Variants in TCF12 observed in about 807,000 individuals in gnomAD.
TCF12 encodes the protein DNA-binding protein HTF4.
In TCF12, 45 loss-of-function variants were observed where a neutral mutation model predicts 86.0. The observed-to-expected ratio is 0.52, with a 90% CI of 0.41 to 0.67. The LOEUF is 0.67. Ranked by LOEUF, TCF12 falls within the 30% of genes least tolerant of loss-of-function variation. The pLI, the probability that TCF12 is intolerant of heterozygous loss-of-function variation, is 0.00. For missense variants in TCF12, 881 were observed against 859.9 expected (o/e 1.02, Z -0.31); for synonymous variants, 330 against 299.6 (o/e 1.10, Z -1.05).
At chr15:57,120,380 T>C (rs1335897059) in intron 5 of TCF12, among the ~76,000 whole-genome samples, 2 of 152,228 alleles carry the variant, frequency 1.3e-5, no homozygotes, top group African/African-American at 4.8e-5. Context: ...GATGTCTTGA[T>C]TCATTTCTTC....
chr15:57,086,298 A>G (rs1448236575), intron 4 of TCF12, among the ~76,000 whole-genome samples: 2 of 151,246 alleles, frequency 1.3e-5, no homozygotes, highest in Admixed American at 1.3e-4. Flanking sequence ...TCCAAGTGCT[A>G]CATATATTTA....
intron 6 of TCF12, among the ~76,000 whole-genome samples, chr15:57,172,745 A>G (rs554002465): frequency 6.6e-6 from 1 of 152,240 alleles, no homozygotes; most frequent in East Asian, 1.9e-4. Context: ...TACCTATATA[A>G]CAAAGCTGAA....
chr15:56,919,615 C>T, intron 1 of TCF12: 1 of 260,880 alleles, frequency 3.8e-6, no homozygotes, highest in Non-Finnish European at 7.4e-6. Context: ...GAGGAGGTGG[C>T]AGAGACTGGC....
chr15:57,119,427 A>C (rs1045921526), intron 5 of TCF12, among the ~76,000 whole-genome samples: 1 of 149,488 alleles, frequency 6.7e-6, no homozygotes, highest in Admixed American at 6.7e-5. Context: ...CGCTGGAATT[A>C]TAGGCATGAG....
chr15:57,041,404 A>G (rs1295116725), intron 3 of TCF12, among the ~76,000 whole-genome samples: 1 of 152,176 alleles, frequency 6.6e-6, no homozygotes, highest in Non-Finnish European at 1.5e-5. Flanking sequence ...TGTTATGTCT[A>G]TGTTTTTCCC....
In TCF12 at chr15:56,975,636, T is replaced by TG. The variant is rs1312469846; in HGVS notation, c.148+54538_148+54539insG. Among the ~76,000 whole-genome samples the TG allele has an allele frequency of 7.3e-4, 102 of 140,592 alleles. No individual in the cohort carries two copies. In the South Asian group the frequency reaches 0.022, roughly 31 times the overall value. 92.2% of individuals were successfully genotyped at this position (140,592 alleles called of 152,430 possible). ...AGCATATGCTAAAAACTAGGGGTTTTTTTTGTTTGTTTGTTTTTTGTTTGT... is the reference window on the plus strand; with the variant it reads ...AGCATATGCTAAAAACTAGGGGTTTTGTTTTGTTTGTTTGTTTTTTGTTTGT... On this transcript the variant is annotated intron_variant, in intron 3 of 20. Coordinates refer to ENST00000333725, the MANE Select transcript of TCF12 (RefSeq NM_207037.2).
At chr15:57,105,728 G>A (rs1351203381) in intron 5 of TCF12, among the ~76,000 whole-genome samples, 2 of 152,114 alleles carry the variant, frequency 1.3e-5, no homozygotes, top group Non-Finnish European at 2.9e-5. Flanking sequence ...AGTTTTTAAT[G>A]AGAAACGCTG....
intron 5 of TCF12, among the ~76,000 whole-genome samples, chr15:57,096,628 G>A (rs902095722): frequency 3.3e-5 from 5 of 152,066 alleles, no homozygotes; most frequent in African/African-American, 1.2e-4. Context: ...TGTAATTGCT[G>A]TGTAAATAGT....
chr15:57,144,536 A>G (rs1270624523), intron 5 of TCF12, among the ~76,000 whole-genome samples: 2 of 152,102 alleles, frequency 1.3e-5, no homozygotes, highest in Non-Finnish European at 2.9e-5. Flanking sequence ...GTGTTCCTAA[A>G]CTTGTGACCG....
chr15:57,208,448 T>G (rs1314860437), intron 8 of TCF12, among the ~76,000 whole-genome samples: 1 of 122,224 alleles, frequency 8.2e-6, no homozygotes, highest in East Asian at 2.9e-4. Flanking sequence ...AGTGGCATAA[T>G]CTTGGCTCAC....
chr15:57,276,952 G>A (rs984592784), intron 19 of TCF12, among the ~76,000 whole-genome samples: 3 of 151,714 alleles, frequency 2.0e-5, no homozygotes, highest in Admixed American at 6.6e-5. Context: ...TTACAGGCAC[G>A]CATCACCATG....
rs370278688 is a variant in TCF12, at chr15:57,148,767, C to T, written c.326-17635C>T. ...TGGTGTGCACCTGTGGTCCCAGCTA[C>T]TCAGGAGGTTGAGGTGAGAGGATAG... On this transcript the variant is annotated intron_variant, in intron 5 of 20. Coordinates refer to ENST00000333725, the MANE Select transcript of TCF12 (RefSeq NM_207037.2). Among the ~76,000 whole-genome samples the T allele has an allele frequency of 1.1e-4, 17 of 151,170 alleles. No homozygotes were observed. In the East Asian group the frequency reaches 3.3e-3, roughly 30 times the overall value.
In TCF12 at chr15:57,277,269, G is replaced by A. The variant is rs190268476; in HGVS notation, c.1978+4007G>A. 3.9e-4 allele frequency among the ~76,000 whole-genome samples: 59 copies of A among 152,136 alleles called. No individual in the cohort carries two copies. In the East Asian group the frequency reaches 8.3e-3, roughly 21 times the overall value. ...AATCCCAGGAATTTGAGGCTGAAGC[G>A]AGCTGTGATCATGCTACTACACTCC... On this transcript the variant is annotated intron_variant, in intron 19 of 20. Transcript: ENST00000333725.
At chr15:57,055,998 A>G (rs371966604) in intron 3 of TCF12, among the ~76,000 whole-genome samples, 2 of 151,534 alleles carry the variant, frequency 1.3e-5, no homozygotes, top group Admixed American at 6.6e-5. Flanking sequence ...CTTTTTATCA[A>G]TTGGATAATT....
chr15:56,954,685 T>A (rs2061425295), intron 3 of TCF12, among the ~76,000 whole-genome samples: 1 of 152,196 alleles, frequency 6.6e-6, no homozygotes, highest in Admixed American at 6.5e-5. Context: ...GACAAAGGGC[T>A]AATATCCAGA....
chr15:57,223,666 T>TGTTTTTTTTTTTG (rs2058730804), intron 8 of TCF12, among the ~76,000 whole-genome samples: 1 of 146,634 alleles, frequency 6.8e-6, no homozygotes, highest in Non-Finnish European at 1.5e-5. Context: ...TTTTTTTTTT[T>TGTTTTTTTTTTTG]TTTTTAGAAA....
chr15:57,182,077 A>G (rs1404610216), intron 6 of TCF12, among the ~76,000 whole-genome samples: 2 of 152,304 alleles, frequency 1.3e-5, no homozygotes, highest in African/African-American at 4.8e-5. Flanking sequence ...CGGCACAATA[A>G]AACTGCTTTG....
intron 3 of TCF12, among the ~76,000 whole-genome samples, chr15:57,029,001 G>A (rs1216814035): frequency 6.6e-6 from 1 of 152,154 alleles, no homozygotes; most frequent in Admixed American, 6.5e-5. Flanking sequence ...GTTTTACCAT[G>A]TTGGCCAGGC....
chr15:57,037,396 G>A (rs186052711), intron 3 of TCF12, among the ~76,000 whole-genome samples: 109 of 152,188 alleles, frequency 7.2e-4, no homozygotes, highest in African/African-American at 2.5e-3. Context: ...AGCCGAGATC[G>A]TGCCATTGCC....
Sources: gnomAD v4.1 joint callset for allele counts (sites outside exome capture counted in the v4.1 genomes callset) on GRCh38, gnomAD v4.1.1 for gene constraint, MANE v1.5 for transcripts, NCBI Gene and HGNC (gene_info 2026-07-23, HGNC 2026-07-21) for gene names.